NR3C2: variants seen among roughly 807,000 people sequenced by gnomAD.
NR3C2 encodes the protein nuclear receptor subfamily 3 group C member 2, also known as mineralocorticoid receptor.
A neutral mutation model predicts 86.4 loss-of-function variants in NR3C2; 15 were observed. The observed-to-expected ratio is 0.17, with a 90% CI of 0.12 to 0.27. NR3C2 has a LOEUF of 0.27. Among genes scored for constraint, NR3C2 ranks in the 10% least tolerant of loss-of-function variants. The probability of loss-of-function intolerance (pLI) is 1.00; values close to 1 mark genes in which losing one functional copy is unlikely to be tolerated. For synonymous variants in NR3C2, 458 were observed against 450.5 expected (o/e 1.02, Z -0.21); for missense variants, 960 against 1,195.6 (o/e 0.80, Z 2.91).
chr4:148,296,065 AAG>A (rs1561025072), intron 2 of NR3C2, among the ~76,000 whole-genome samples: 1 of 151,210 alleles, frequency 6.6e-6, no homozygotes, highest in African/African-American at 2.4e-5. Flanking sequence ...AAAAAAAAAA[AAG>A]AGAGAATGTT....
intron 6 of NR3C2, among the ~76,000 whole-genome samples, chr4:148,143,901 C>T (rs1050549777): frequency 3.5e-5 from 5 of 143,134 alleles, no homozygotes; most frequent in African/African-American, 1.3e-4. Flanking sequence ...GAGCCGAGAT[C>T]GCACCATTGC....
At chr4:148,171,911 C>G (rs1020543134) in intron 4 of NR3C2, among the ~76,000 whole-genome samples, 1 of 152,098 alleles carries the variant, frequency 6.6e-6, no homozygotes, top group Non-Finnish European at 1.5e-5. Flanking sequence ...GGTGTTCCTC[C>G]CACCTGAAAT....
chr4:148,370,255 G>A (rs1746349090), intron 2 of NR3C2, among the ~76,000 whole-genome samples: 1 of 152,156 alleles, frequency 6.6e-6, no homozygotes, highest in South Asian at 2.1e-4. Flanking sequence ...TGCCATGGAA[G>A]ATGCAAAAAT....
At chr4:148,117,312 TCC>T (rs1424881548) in intron 7 of NR3C2, among the ~76,000 whole-genome samples, 1 of 152,192 alleles carries the variant, frequency 6.6e-6, no homozygotes, top group Non-Finnish European at 1.5e-5. Flanking sequence ...TGGCCCCACC[TCC>T]CTACCAGGAC....
At chr4:148,220,785 G>T (rs1469534565) in intron 3 of NR3C2, among the ~76,000 whole-genome samples, 1 of 152,168 alleles carries the variant, frequency 6.6e-6, no homozygotes, top group Non-Finnish European at 1.5e-5. Context: ...GACAGAGTGA[G>T]ACCCTATCTC....
chr4:148,441,744 T>C (rs953156898), intron 1 of NR3C2, among the ~76,000 whole-genome samples: 1 of 152,360 alleles, frequency 6.6e-6, no homozygotes, highest in Admixed American at 6.5e-5. Flanking sequence ...TCTATTAGGA[T>C]CTATATCTCC....
chr4:148,085,344 C>T (rs527622633), intron 8 of NR3C2, among the ~76,000 whole-genome samples: 23 of 152,312 alleles, frequency 1.5e-4, no homozygotes, highest in African/African-American at 5.5e-4. Context: ...GAAACTCACT[C>T]AAAACACACA....
intron 1 of NR3C2, among the ~76,000 whole-genome samples, chr4:148,438,428 T>TA (rs1750179589): frequency 6.6e-6 from 1 of 152,202 alleles, no homozygotes. Context: ...TTAAAACTCC[T>TA]AAAATCTGTA....
chr4:148,300,309 C>A (rs1418472826), intron 2 of NR3C2, among the ~76,000 whole-genome samples: 1 of 152,180 alleles, frequency 6.6e-6, no homozygotes, highest in Non-Finnish European at 1.5e-5. Flanking sequence ...TTCCCCTCCA[C>A]AAACAGCCCT....
At chr4:148,134,736 C>T (rs1733214455) in intron 6 of NR3C2, among the ~76,000 whole-genome samples, 1 of 148,986 alleles carries the variant, frequency 6.7e-6, no homozygotes, top group Non-Finnish European at 1.5e-5. Context: ...GCAACCTGTG[C>T]CTCCCGGGTT....
chr4:148,333,739 G>C (rs1744347520), intron 2 of NR3C2, among the ~76,000 whole-genome samples: 1 of 152,150 alleles, frequency 6.6e-6, no homozygotes, highest in Non-Finnish European at 1.5e-5. Context: ...TGCAAGAGTT[G>C]TTTCAAAGTG....
At chr4:148,444,641 T>A (rs571698603), upstream of NR3C2, 3 of 985,758 alleles carry the variant, frequency 3.0e-6, no homozygotes, top group African/African-American at 5.2e-5. Context: ...GCGGTGAGGA[T>A]GGAGAGGATG....
At chr4:148,399,464 A>G (rs1748029987) in intron 2 of NR3C2, among the ~76,000 whole-genome samples, 1 of 151,996 alleles carries the variant, frequency 6.6e-6, no homozygotes, top group Admixed American at 6.6e-5. Context: ...AAAACACTAC[A>G]TAATGATAAA....
chr4:148,369,023 T>C (rs555750717), intron 2 of NR3C2, among the ~76,000 whole-genome samples: 2 of 152,148 alleles, frequency 1.3e-5, no homozygotes, highest in Non-Finnish European at 2.9e-5. Context: ...CTACATTCTG[T>C]AAAAAACACC....
chr4:148,279,660 A>G (rs948649123), intron 2 of NR3C2, among the ~76,000 whole-genome samples: 1 of 152,226 alleles, frequency 6.6e-6, no homozygotes, highest in Admixed American at 6.5e-5. Context: ...GGATGAAGTA[A>G]GAATTTAACT....
chr4:148,269,031 T>A (rs1740535223), intron 2 of NR3C2, among the ~76,000 whole-genome samples: 1 of 152,170 alleles, frequency 6.6e-6, no homozygotes, highest in Non-Finnish European at 1.5e-5. Context: ...AAAGATAGGT[T>A]GTCCTCAGAG....
chr4:148,367,321 A>G (rs191220388), intron 2 of NR3C2, among the ~76,000 whole-genome samples: 146 of 152,372 alleles, frequency 9.6e-4, no homozygotes, highest in African/African-American at 3.4e-3. Flanking sequence ...TACTTTTGGC[A>G]TACGATAATT....
upstream of NR3C2, chr4:148,443,003 C>G (rs1399540516): frequency 1.0e-6 from 1 of 984,558 alleles, no homozygotes; most frequent in Non-Finnish European, 1.2e-6. Flanking sequence ...ACAGCGTCCG[C>G]GCGCGGGGAG....
At chr4:148,130,850 G>A (rs1419096834) in intron 6 of NR3C2, among the ~76,000 whole-genome samples, 3 of 126,124 alleles carry the variant, frequency 2.4e-5, no homozygotes, top group African/African-American at 6.4e-5. Flanking sequence ...TTGAGACAGA[G>A]TCTCGCTCTA....
Sources: gnomAD v4.1 joint callset for allele counts (sites outside exome capture counted in the v4.1 genomes callset) on GRCh38, gnomAD v4.1.1 for gene constraint, MANE v1.5 for transcripts, NCBI Gene and HGNC (gene_info 2026-07-23, HGNC 2026-07-21) for gene names.